Variants in C3orf20 observed in about 807,000 individuals in gnomAD.
C3orf20 encodes the protein family with sequence similarity 149 member C, also known as uncharacterized protein C3orf20.
A neutral mutation model predicts 88.3 loss-of-function variants in C3orf20; 76 were observed. The observed-to-expected ratio is 0.86, with a 90% CI of 0.72 to 1.04. The LOEUF (loss-of-function observed/expected upper bound fraction) is 1.04, where lower values mean the gene tolerates loss of function less well. C3orf20 is among the 50% of genes least tolerant of loss of function. The pLI is 0.00. For synonymous variants in C3orf20, 436 were observed against 437.4 expected, an observed-to-expected ratio of 1.00 and a Z score of 0.04; for missense variants, 1,056 against 1,123.3, an observed-to-expected ratio of 0.94 and a Z score of 0.86.
rs375688288 is a variant in C3orf20 at position 14,704,543 on chromosome 3, A to G, written c.1085A>G (p.His362Arg). 101 of 1,613,904 alleles carry G rather than the reference A, an allele frequency of 6.3e-5. No individual in the cohort carries two copies. The highest frequency in any genetic ancestry group is 4.9e-4 in the Middle Eastern group (3 of 6,084). ...PSSANHHFSQ[H>R]CQEGKAPKKA... ...TCTGCCAACCATCATTTCAGTCAGCATTGTCAAGAGGGGAAGGCACCCAAG... is the reference window on the plus strand; with the variant it reads ...TCTGCCAACCATCATTTCAGTCAGCGTTGTCAAGAGGGGAAGGCACCCAAG... Residue 362 changes from histidine to arginine, a missense_variant, in exon 7 of 17, where the codon CAT (histidine) becomes CGT (arginine). Transcript: ENST00000253697.
chr3:14,699,670 G>T (rs1190831624), intron 5 of C3orf20, among the ~76,000 whole-genome samples: 1 of 152,224 alleles, frequency 6.6e-6, no homozygotes, highest in Non-Finnish European at 1.5e-5. Flanking sequence ...CTCTCCTCAA[G>T]TGGAAGAAAG....
chr3:14,681,510 G>C (rs1024265177), intron 1 of C3orf20, among the ~76,000 whole-genome samples: 9 of 152,342 alleles, frequency 5.9e-5, no homozygotes, highest in Admixed American at 2.0e-4. Context: ...TTGGGCAACA[G>C]GAACAACTCG....
rs2035880504 is a variant in C3orf20 at position 14,772,258 on chromosome 3, G to A, written c.2630+57G>A. On this transcript the variant is annotated intron_variant, in intron 16 of 16. Transcript: ENST00000253697. The surrounding 1 kb of genome is among the most constrained non-coding windows in gnomAD (Gnocchi z 4.2). ...GTGGCTCACAGCAGGCCACCTCGGGGCTATTTGGCCTTGGGCAAGTCACTA... is the reference window on the plus strand; with the variant it reads ...GTGGCTCACAGCAGGCCACCTCGGGACTATTTGGCCTTGGGCAAGTCACTA... 1 of 1,611,532 alleles carries A rather than the reference G, an allele frequency of 6.2e-7. No individual in the cohort carries two copies. The highest frequency in any genetic ancestry group is 8.5e-7 in the Non-Finnish European group (1 of 1,178,458).
At chr3:14,704,020 C>T (rs1437960884) in intron 6 of C3orf20, among the ~76,000 whole-genome samples, 3 of 152,150 alleles carry the variant, frequency 2.0e-5, no homozygotes, top group African/African-American at 7.2e-5. Context: ...TTCCCCACAA[C>T]CTCAGGACTG....
At chr3:14,685,373 G>C (rs1301939761) in intron 4 of C3orf20, among the ~76,000 whole-genome samples, 1 of 151,982 alleles carries the variant, frequency 6.6e-6, no homozygotes, top group African/African-American at 2.4e-5. Flanking sequence ...AGGGGAACAG[G>C]ATCTGGAAGA....
Position 14,677,512 on chromosome 3 carries a change from T to G in C3orf20, c.-299+2260T>G, listed in dbSNP as rs552718935. 4.6e-5 allele frequency among the ~76,000 whole-genome samples: 7 copies of G among 152,160 alleles called. No homozygotes were observed. In the South Asian group the frequency reaches 8.3e-4, roughly 18 times the overall value. ...TCCTTTTTTTTGTTTTTGTTTTTGT[T>G]TTTTTAGACGGGAGTTTCGTTCCTG... On this transcript the variant is annotated intron_variant, in intron 1 of 16. Transcript: ENST00000253697.
intron 5 of C3orf20, among the ~76,000 whole-genome samples, chr3:14,696,726 T>G (rs1488480835): frequency 6.6e-6 from 1 of 151,852 alleles, no homozygotes; most frequent in East Asian, 2.0e-4. Context: ...CTGCTTGAGA[T>G]AATAGTAGCT....
intron 5 of C3orf20, among the ~76,000 whole-genome samples, chr3:14,699,202 GC>G (rs1409748557): frequency 6.6e-6 from 1 of 152,128 alleles, no homozygotes; most frequent in East Asian, 1.9e-4. Flanking sequence ...GAGAGCCAAG[GC>G]CTGGAATCAG....
intron 14 of C3orf20, among the ~76,000 whole-genome samples, chr3:14,760,300 T>A (rs934796231): frequency 2.0e-5 from 3 of 152,216 alleles, no homozygotes; most frequent in African/African-American, 7.2e-5. Flanking sequence ...TAAATGGCTT[T>A]ATCCTAAAAA....
Position 14,772,953 on chromosome 3 carries a change from C to A in C3orf20, c.*78C>A. The stretch of plus-strand genomic sequence containing the variant: ...CTTCTTGCCAGCCCAGCCCTGCCTC[C>A]CCGGTCTCCCACCCTGTCCTCCAAG... On this transcript the variant is annotated 3_prime_UTR_variant, in exon 17 of 17. Transcript: ENST00000253697. The surrounding 1 kb of genome is among the most constrained non-coding windows in gnomAD (Gnocchi z 4.2). The A allele has an allele frequency of 9.5e-7, 1 of 1,053,724 alleles. No homozygotes were observed. The highest frequency in any genetic ancestry group is 1.5e-6 in the Non-Finnish European group (1 of 677,882). The allele number at this position is 1,053,724 out of a possible 1,614,324, so 65.3% of individuals were successfully genotyped here. A position where few individuals can be genotyped will look rare whatever the true frequency, so the allele number is the denominator to read the frequency against.
chr3:14,714,064 C>T lies in C3orf20; in HGVS notation c.1218C>T (p.Thr406=), dbSNP rs771153593. ...TCCCCACATGCTGCAGAGGGAGAAC[C>T]ATCACCTGCCTCTTTAATGACATAC... ...CQIPTCCRGR[T]ITCLFNDIPG... The change falls in exon 8 of 17, where the codon ACC becomes ACT. Residue 406 remains threonine (T), a synonymous_variant. Transcript: ENST00000253697. 146 of 1,614,020 alleles carry T rather than the reference C, an allele frequency of 9.0e-5. No individual in the cohort carries two copies. Among genetic ancestry groups the T allele is most frequent in the Middle Eastern group, 3.3e-4 (2 of 6,070 alleles).
intron 4 of C3orf20, among the ~76,000 whole-genome samples, chr3:14,685,485 C>CTCT (rs1559395171): frequency 7.2e-4 from 102 of 141,502 alleles, no homozygotes; most frequent in African/African-American, 2.5e-3. Flanking sequence ...TCTCTCTGTG[C>CTCT]GTGCGTGCGT....
intron 1 of C3orf20, among the ~76,000 whole-genome samples, chr3:14,677,328 C>T (rs2124869639): frequency 6.6e-6 from 1 of 152,208 alleles, no homozygotes; most frequent in Middle Eastern, 3.4e-3. Flanking sequence ...CTTATTTCCC[C>T]TCAGCTGCCT....
intron 4 of C3orf20, among the ~76,000 whole-genome samples, chr3:14,688,205 G>A (rs1008593821): frequency 1.3e-5 from 2 of 152,152 alleles, no homozygotes; most frequent in African/African-American, 4.8e-5. Context: ...GTAGACCAAA[G>A]CTGTAACAGG....
At chr3:14,689,933 A>G (rs953513012) in intron 4 of C3orf20, 64 bp from the exon 5 acceptor site, 4 of 1,609,742 alleles carry the variant, frequency 2.5e-6, no homozygotes, top group Non-Finnish European at 3.4e-6. Context: ...TCCATGTTAC[A>G]TTTTTGGCTA....
chr3:14,685,615 C>G (rs548312634), intron 4 of C3orf20, among the ~76,000 whole-genome samples: 2 of 152,104 alleles, frequency 1.3e-5, no homozygotes, highest in East Asian at 1.9e-4. Context: ...CTCCACAATT[C>G]ATTCCTCTTA....
intron 12 of C3orf20, among the ~76,000 whole-genome samples, chr3:14,737,810 C>G (rs2034767090): frequency 6.6e-6 from 1 of 152,232 alleles, no homozygotes; most frequent in Non-Finnish European, 1.5e-5. Context: ...CTCTCAAACT[C>G]TGCTGCTGTT....
At chr3:14,749,850 A>G (rs559047653) in intron 12 of C3orf20, among the ~76,000 whole-genome samples, 32 of 152,298 alleles carry the variant, frequency 2.1e-4, no homozygotes, top group Admixed American at 1.1e-3. Flanking sequence ...CTTTAGTAGC[A>G]TACAAAGTTA....
chr3:14,759,754 G>C (rs1238835369), intron 13 of C3orf20, 137 bp from the exon 14 acceptor site: 4 of 688,996 alleles, frequency 5.8e-6, no homozygotes, highest in South Asian at 5.2e-5. Context: ...AGGGCCCCTG[G>C]AGCAGGAGGA....
Sources: allele counts gnomAD v4.1 joint callset (sites outside exome capture counted in the v4.1 genomes callset), GRCh38; gene constraint gnomAD v4.1.1; non-coding constraint Gnocchi (gnomAD v3.1); transcripts MANE v1.5; gene names NCBI Gene and HGNC (gene_info 2026-07-23, HGNC 2026-07-21).